Variants in MEX3C observed in about 807,000 individuals in gnomAD.
The protein encoded by MEX3C is mex-3 RNA binding family member C, also known as RNA-binding E3 ubiquitin-protein ligase MEX3C.
Under a neutral mutation model 35.5 loss-of-function variants are expected in MEX3C, and 15 were observed. That is an observed-to-expected ratio of 0.42 (90% CI 0.28 to 0.65). MEX3C has a LOEUF of 0.65. MEX3C is among the 30% of genes least tolerant of loss of function. MEX3C has a pLI of 0.20. For synonymous variants in MEX3C, 390 were observed against 352.8 expected, an observed-to-expected ratio of 1.11 and a Z score of -1.18; for missense variants, 711 against 842.8, an observed-to-expected ratio of 0.84 and a Z score of 1.94.
chr18:51,186,671 G>A (rs551525361), intron 1 of MEX3C, among the ~76,000 whole-genome samples: 2 of 152,090 alleles, frequency 1.3e-5, no homozygotes, highest in South Asian at 2.1e-4. Flanking sequence ...GAGACAAGAC[G>A]GGGGACTCAC....
At chr18:51,183,700 C>A (rs1465917955) in intron 1 of MEX3C, among the ~76,000 whole-genome samples, 10 of 152,192 alleles carry the variant, frequency 6.6e-5, no homozygotes, top group Non-Finnish European at 1.5e-5. Flanking sequence ...GAGGTTTTGG[C>A]TGATTGTGGT....
intron 1 of MEX3C, among the ~76,000 whole-genome samples, chr18:51,181,062 G>C (rs1304544075): frequency 6.6e-6 from 1 of 152,102 alleles, no homozygotes; most frequent in East Asian, 1.9e-4. Flanking sequence ...TAATTTTGCA[G>C]GTGACGAAGG....
At chr18:51,191,063 A>G (rs1912640396) in intron 1 of MEX3C, among the ~76,000 whole-genome samples, 1 of 152,166 alleles carries the variant, frequency 6.6e-6, no homozygotes, top group South Asian at 2.1e-4. Context: ...CTCCTTTAGT[A>G]TCTTATGAAC....
rs774637191 is a variant in MEX3C, at chr18:51,176,583, C to T, written c.1748G>A (p.Gly583Asp). 1 of 1,613,908 alleles carries T rather than the reference C, an allele frequency of 6.2e-7. No individual in the cohort carries two copies. Residue 583 changes from glycine (G) to aspartate (D), a missense_variant, in exon 2 of 2, where the codon GGT becomes GAT. By Grantham distance (94) the Gly-to-Asp change is moderately conservative. Transcript: ENST00000406189. The stretch of plus-strand genomic sequence containing the variant: ...ATTGGAAGAGGAGTAACTATTGGTA[C>T]CATTAGAAAAAGCAGGGATATATAT... ...LPIYIPAFSN[G>D]TNSYSSSNGG... is the part of the protein sequence containing the mutation.
chr18:51,178,588 G>A lies in MEX3C; in HGVS notation c.755-1012C>T, dbSNP rs1912353779. ...TAGTTTGTCAAAATAAAGAAGCTAGGTGCTGTAATCCCAGCACTTTGGGAG... is the reference window on the plus strand; with the variant it reads ...TAGTTTGTCAAAATAAAGAAGCTAGATGCTGTAATCCCAGCACTTTGGGAG... On this transcript the variant is annotated intron_variant, in intron 1 of 1. Transcript: ENST00000406189. Among the ~76,000 whole-genome samples, 8 of 152,060 alleles carry A rather than the reference G, an allele frequency of 5.3e-5. No homozygotes were observed. The South Asian group carries it at 1.7e-3, about 32-fold the overall frequency.
chr18:51,184,256 G>A (rs1912487754), intron 1 of MEX3C, among the ~76,000 whole-genome samples: 1 of 152,090 alleles, frequency 6.6e-6, no homozygotes, highest in Non-Finnish European at 1.5e-5. Context: ...CTTGGGTGAG[G>A]ACATGAGCCG....
rs1316691476 is a variant in MEX3C, at chr18:51,176,844, G to C, written c.1487C>G (p.Ser496Cys). 7 of 1,614,012 alleles carry C rather than the reference G, an allele frequency of 4.3e-6. No homozygotes were observed. Among genetic ancestry groups the C allele is most frequent in the Non-Finnish European group, 5.9e-6 (7 of 1,179,890 alleles). The change falls in exon 2 of 2, where the codon TCT (serine) becomes TGT (cysteine). Residue 496 changes from serine to cysteine, a missense_variant. Around this residue, in one of 4 missense-constraint regions of MEX3C, gnomAD observed 187 missense variants for 201.7 expected, o/e 0.93. Coordinates refer to ENST00000406189, the MANE Select transcript of MEX3C (RefSeq NM_016626.5). ...SVGSEDLAVD[S>C]PAFDSLPTSA... ...TGTTGGTAAAGAGTCAAAGGCAGGAGAGTCAACTGCTAGGTCTTCTGAGCC... is the reference window on the plus strand; with the variant it reads ...TGTTGGTAAAGAGTCAAAGGCAGGACAGTCAACTGCTAGGTCTTCTGAGCC...
intron 1 of MEX3C, chr18:51,193,189 T>C (rs1480097214): frequency 6.6e-6 from 1 of 152,014 alleles, no homozygotes; most frequent in Non-Finnish European, 1.5e-5. Flanking sequence ...ATATTGGGAG[T>C]ATGCACATTT....
chr18:51,187,310 T>C (rs1912562296), intron 1 of MEX3C, among the ~76,000 whole-genome samples: 1 of 152,078 alleles, frequency 6.6e-6, no homozygotes, highest in Non-Finnish European at 1.5e-5. Flanking sequence ...AATACAAACA[T>C]AGGCACAACT....
chr18:51,196,388 G>C (rs558633047), intron 1 of MEX3C, 179 bp downstream of exon 1: 25 of 1,338,418 alleles, frequency 1.9e-5, no homozygotes, highest in Admixed American at 6.1e-5. Context: ...GGAAAAGCGT[G>C]GGTTTTCGCA....
chr18:51,196,259 T>G (rs1407703641), intron 1 of MEX3C: 1 of 490,126 alleles, frequency 2.0e-6, no homozygotes, highest in African/African-American at 2.1e-5. Flanking sequence ...TTTTACCACC[T>G]CACTGAGGTT....
Position 51,197,112 on chromosome 18 carries a change from AGCGCCGGG to A in MEX3C, c.201_208del (p.Pro68SerfsTer184), listed in dbSNP as rs1912826257. On this transcript the variant is annotated frameshift_variant, in exon 1 of 2. Coordinates refer to ENST00000406189, the MANE Select transcript of MEX3C (RefSeq NM_016626.5). LOFTEE classifies it high-confidence loss of function. ...CTGCGCCGCCGCTGCCGGGGCCCGA[AGCGCCGGG>A]GCGCCGGGCTCCGCCGGGCTGGGGT... is the stretch of plus-strand genomic sequence containing the variant. 8.7e-7 allele frequency: 1 copy of A among 1,143,138 alleles called. No individual in the cohort carries two copies. Among genetic ancestry groups the A allele is most frequent in the Non-Finnish European group, 1.1e-6 (1 of 935,498 alleles). The allele number at this position is 1,143,138 out of a possible 1,614,324, so 70.8% of individuals were successfully genotyped here.
chr18:51,185,700 A>G (rs552885276), intron 1 of MEX3C, among the ~76,000 whole-genome samples: 1 of 152,142 alleles, frequency 6.6e-6, no homozygotes, highest in Non-Finnish European at 1.5e-5. Context: ...GCGAATAGAC[A>G]TAAGGTAGGG....
At chr18:51,189,978 G>T (rs577508396) in intron 1 of MEX3C, among the ~76,000 whole-genome samples, 20 of 152,230 alleles carry the variant, frequency 1.3e-4, no homozygotes, top group African/African-American at 4.8e-4. Context: ...GAGTATAAAA[G>T]AAATTTAGCA....
At chr18:51,184,578 T>C (rs1912496383) in intron 1 of MEX3C, among the ~76,000 whole-genome samples, 1 of 152,132 alleles carries the variant, frequency 6.6e-6, no homozygotes, top group Admixed American at 6.6e-5. Context: ...AGCTTTTGGC[T>C]GTGTGTGATG....
At chr18:51,178,165 T>C (rs1912344802) in intron 1 of MEX3C, among the ~76,000 whole-genome samples, 1 of 152,160 alleles carries the variant, frequency 6.6e-6, no homozygotes, top group South Asian at 2.1e-4. Context: ...TTTGTAATCA[T>C]TGTAAAGTCC....
At chr18:51,196,373 C>A (rs1427236739) in intron 1 of MEX3C, 194 bp downstream of exon 1, 10 of 1,268,864 alleles carry the variant, frequency 7.9e-6, no homozygotes, top group African/African-American at 3.1e-5. Context: ...CCAGGCAAGA[C>A]GGGCGGAAAA....
At chr18:51,184,191 G>C (rs973714872) in intron 1 of MEX3C, among the ~76,000 whole-genome samples, 26 of 152,054 alleles carry the variant, frequency 1.7e-4, no homozygotes, top group African/African-American at 5.8e-4. Flanking sequence ...TCATCATCCT[G>C]CAACACCCAC....
At chr18:51,187,339 G>C (rs756454357) in intron 1 of MEX3C, among the ~76,000 whole-genome samples, 5 of 152,164 alleles carry the variant, frequency 3.3e-5, no homozygotes, top group Non-Finnish European at 5.9e-5. Context: ...TAGCTATCAT[G>C]TATGAATCCA....
Sources: gnomAD v4.1 joint callset for allele counts (sites outside exome capture counted in the v4.1 genomes callset) on GRCh38, gnomAD v4.1.1 for gene constraint, gnomAD v4.1.1 regional missense constraint, MANE v1.5 for transcripts, NCBI Gene and HGNC (gene_info 2026-07-23, HGNC 2026-07-21) for gene names.